PLXNA1: variants seen among roughly 807,000 people sequenced by gnomAD.
The protein encoded by PLXNA1 is plexin A1, also known as plexin-A1.
A neutral mutation model predicts 191.7 loss-of-function variants in PLXNA1; 77 were observed. That is an observed-to-expected ratio of 0.40 (90% CI 0.33 to 0.49). The LOEUF is 0.49. PLXNA1 is among the 20% of genes least tolerant of loss of function. The probability of loss-of-function intolerance (pLI) is 0.63; values close to 1 mark genes in which losing one functional copy is unlikely to be tolerated. For missense variants in PLXNA1, 2,110 were observed against 2,660.2 expected, an observed-to-expected ratio of 0.79 and a Z score of 4.55; for synonymous variants, 1,137 against 1,156.4, an observed-to-expected ratio of 0.98 and a Z score of 0.34.
At chr3:127,007,521 A>G (rs2079074751) in intron 8 of PLXNA1, among the ~76,000 whole-genome samples, 1 of 152,160 alleles carries the variant, frequency 6.6e-6, no homozygotes, top group Non-Finnish European at 1.5e-5. Context: ...CTCTGGAGGA[A>G]AAAGCGGCAA....
intron 9 of PLXNA1, among the ~76,000 whole-genome samples, chr3:127,008,456 C>T (rs1272774450): frequency 6.6e-6 from 1 of 152,162 alleles, no homozygotes. Context: ...CTGGGCAAGG[C>T]ACTAGCTTTA....
intron 23 of PLXNA1, among the ~76,000 whole-genome samples, chr3:127,025,913 C>T (rs907002350): frequency 6.6e-6 from 1 of 152,232 alleles, no homozygotes; most frequent in African/African-American, 2.4e-5. Flanking sequence ...TCATTCCTTG[C>T]TGTCTTTAGA....
At chr3:127,026,863 CGCCTGTGTG>C (rs2079179042) in intron 23 of PLXNA1, 1 of 152,536 alleles carries the variant, frequency 6.6e-6, no homozygotes, top group Non-Finnish European at 1.5e-5. Context: ...GGGCGGGCCT[CGCCTGTGTG>C]GCCAACTCAC....
At chr3:126,984,771 C>T (rs1457430176) in intron 1 of PLXNA1, among the ~76,000 whole-genome samples, 1 of 152,162 alleles carries the variant, frequency 6.6e-6, no homozygotes, top group Non-Finnish European at 1.5e-5. Flanking sequence ...GGACTCCTGG[C>T]CCCCCAAGGT....
At chr3:127,018,566 C>T (rs761083334) in intron 20 of PLXNA1, 38 bp downstream of exon 20, 1 of 1,534,226 alleles carries the variant, frequency 6.5e-7, no homozygotes, top group South Asian at 1.1e-5. Flanking sequence ...CAACTGCCAC[C>T]TCCGAGCCAG....
intron 17 of PLXNA1, 109 bp from the exon 18 acceptor site, chr3:127,017,316 G>T: frequency 6.9e-7 from 1 of 1,449,874 alleles, no homozygotes. Context: ...CTAGTGCCTG[G>T]CATCATCTGT....
rs1233437563 is a variant in PLXNA1 at position 126,989,733 on chromosome 3, G to C, written c.1140G>C (p.Glu380Asp). The change falls in exon 2 of 32, where the codon GAG becomes GAC. Residue 380 changes from glutamate (E) to aspartate (D), a missense_variant. Glu to Asp is a conservative substitution (Grantham distance 45). Coordinates refer to ENST00000393409, the MANE Select transcript of PLXNA1 (RefSeq NM_032242.4). Reference sequence around the variant, plus strand: ...GCATCCAGTCCTGCTACCGTGGTGAGGGCAAGCTCTCCCTGCCGTGGCTGC... The same window carrying C: ...GCATCCAGTCCTGCTACCGTGGTGACGGCAAGCTCTCCCTGCCGTGGCTGC... Reference protein sequence around the residue: ...KERIQSCYRGEGKLSLPWLLN... With the variant: ...KERIQSCYRGDGKLSLPWLLN... The C allele has an allele frequency of 1.2e-6, 2 of 1,612,972 alleles. No individual in the cohort carries two copies. The highest frequency in any genetic ancestry group is 2.7e-5 in the African/African-American group (2 of 75,058).
chr3:126,985,420 G>T (rs968468094), intron 1 of PLXNA1, among the ~76,000 whole-genome samples: 1 of 152,106 alleles, frequency 6.6e-6, no homozygotes, highest in Non-Finnish European at 1.5e-5. Flanking sequence ...GGCCATGCCG[G>T]AGAGCCACAG....
chr3:126,996,713 T>C (rs1339712738), intron 3 of PLXNA1, among the ~76,000 whole-genome samples: 1 of 152,126 alleles, frequency 6.6e-6, no homozygotes, highest in Admixed American at 6.5e-5. Flanking sequence ...TTTCATCTTG[T>C]GTGTTGTTGA....
chr3:126,999,293 C>T (rs2107624576), intron 3 of PLXNA1, among the ~76,000 whole-genome samples: 1 of 152,332 alleles, frequency 6.6e-6, no homozygotes, highest in South Asian at 2.1e-4. Context: ...GTGAGGCCTC[C>T]ACGTGTGGGC....
At chr3:127,017,972 C>G in intron 19 of PLXNA1, 80 bp downstream of exon 19, 1 of 1,559,668 alleles carries the variant, frequency 6.4e-7, no homozygotes, top group Admixed American at 1.7e-5. Context: ...ACAGCCCCAG[C>G]TCTGACCTTG....
At chr3:127,018,592 C>A in intron 20 of PLXNA1, 64 bp downstream of exon 20, 1 of 1,290,636 alleles carries the variant, frequency 7.7e-7, no homozygotes, top group Non-Finnish European at 1.1e-6. Context: ...GGCCTGTCCC[C>A]ACACCTACTT....
intron 1 of PLXNA1, among the ~76,000 whole-genome samples, 22 bp downstream of exon 1, chr3:126,983,309 C>G (rs2078939947): frequency 6.9e-6 from 1 of 144,456 alleles, no homozygotes; most frequent in Non-Finnish European, 1.5e-5. Context: ...CGCAACTTTC[C>G]CCGCGGCGCG....
chr3:127,000,124 G>T (rs918219303), intron 3 of PLXNA1, among the ~76,000 whole-genome samples: 1 of 151,820 alleles, frequency 6.6e-6, no homozygotes, highest in Non-Finnish European at 1.5e-5. Context: ...GGCATGCATG[G>T]GCAGCGCCAG....
At chr3:127,001,021 G>A (rs1179402373) in intron 3 of PLXNA1, among the ~76,000 whole-genome samples, 1 of 152,150 alleles carries the variant, frequency 6.6e-6, no homozygotes, top group Admixed American at 6.5e-5. Flanking sequence ...ATGGACAGCT[G>A]GACGCGTGTG....
At chr3:127,022,370 G>A (rs1261940172) in intron 22 of PLXNA1, 29 bp downstream of exon 22, 9 of 1,597,708 alleles carry the variant, frequency 5.6e-6, no homozygotes, top group African/African-American at 1.3e-5. Context: ...GGGGTTGGGG[G>A]AGGCAGGCCC....
chr3:127,037,146 T>G lies in PLXNA1; in HGVS notation c.*3129T>G, dbSNP rs2079248395. The G allele has an allele frequency of 6.6e-6, 1 of 152,634 alleles. No individual in the cohort carries two copies. Among genetic ancestry groups the G allele is most frequent in the Non-Finnish European group, 1.5e-5 (1 of 68,052 alleles). The allele number at this position is 152,634 out of a possible 1,614,324, so 9.5% of individuals were successfully genotyped here. ...ATATATTTAGAGAGAGAGATATTTTTAAGACAAAGCCCACAATTAGCTGTC... is the reference window on the plus strand; with the variant it reads ...ATATATTTAGAGAGAGAGATATTTTGAAGACAAAGCCCACAATTAGCTGTC... On this transcript the variant is annotated 3_prime_UTR_variant, in exon 32 of 32. Coordinates refer to ENST00000393409, the MANE Select transcript of PLXNA1 (RefSeq NM_032242.4).
At chr3:127,014,675 G>GGGCTC (rs751505428) in intron 13 of PLXNA1, 36 bp from the exon 14 acceptor site, 3 of 1,610,838 alleles carry the variant, frequency 1.9e-6, no homozygotes, top group East Asian at 4.5e-5. Context: ...GGACGGGGCG[G>GGGCTC]GGCTCCTGCA....
intron 14 of PLXNA1, 66 bp downstream of exon 14, chr3:127,014,897 C>T: frequency 6.4e-7 from 1 of 1,569,328 alleles, no homozygotes; most frequent in Admixed American, 1.8e-5. Flanking sequence ...CTCAGGGCTT[C>T]TGTGCCTCTT....
Sources: gnomAD v4.1 joint callset for allele counts (sites outside exome capture counted in the v4.1 genomes callset) on GRCh38, gnomAD v4.1.1 for gene constraint, MANE v1.5 for transcripts, NCBI Gene and HGNC (gene_info 2026-07-23, HGNC 2026-07-21) for gene names.